Variants in NLRP12 observed in about 807,000 individuals in gnomAD.
NLRP12 encodes the protein NLR family pyrin domain containing 12.
In NLRP12, 108 loss-of-function variants were observed where a neutral mutation model predicts 91.2. The ratio of observed to expected loss-of-function variants is 1.18; its 90% confidence interval spans 1.01 to 1.39. The LOEUF is 1.39. NLRP12 is among the 40% of genes most tolerant of loss of function. The pLI is 0.00. For synonymous variants in NLRP12, 613 were observed against 566.7 expected (o/e 1.08, Z -1.16); for missense variants, 1,530 against 1,352.7 (o/e 1.13, Z -2.06).
intron 1 of NLRP12, among the ~76,000 whole-genome samples, chr19:53,823,144 C>T (rs938521452): frequency 9.5e-5 from 1 of 10,472 alleles, no homozygotes; most frequent in Non-Finnish European, 3.0e-4. Flanking sequence ...CATATATATA[C>T]GTGTGTGTAT....
At chr19:53,813,723 C>A (rs991748179) in intron 2 of NLRP12, among the ~76,000 whole-genome samples, 5 of 151,452 alleles carry the variant, frequency 3.3e-5, no homozygotes, top group African/African-American at 1.2e-4. Context: ...GTCTTTCTCA[C>A]TCCCCCCAGG....
intron 1 of NLRP12, among the ~76,000 whole-genome samples, chr19:53,819,635 A>G (rs2092233927): frequency 6.9e-6 from 1 of 144,590 alleles, no homozygotes; most frequent in Non-Finnish European, 1.5e-5. Context: ...ACGCGTATAT[A>G]TGTATGTATA....
At position 53,793,865 on chromosome 19, in the gene NLRP12, A is replaced by C; in HGVS notation, c.*184T>G. ...CTCTCGAAGTGCTAGGATTACATAC[A>C]TGAGCCACCACGCCTGGCCAGCTCT... On this transcript the variant is annotated 3_prime_UTR_variant, in exon 10 of 10. Coordinates refer to ENST00000324134, the MANE Select transcript of NLRP12 (RefSeq NM_144687.4). 1 of 680,850 alleles carries C rather than the reference A, an allele frequency of 1.5e-6. No individual in the cohort carries two copies. The highest frequency in any genetic ancestry group is 2.7e-6 in the Non-Finnish European group (1 of 372,826). The allele number at this position is 680,850 out of a possible 1,614,324, so 42.2% of individuals were successfully genotyped here.
rs1568703260 is a variant in NLRP12, at chr19:53,823,498, A to AAAACATAT, written c.289+387_289+388insATATGTTT. Among the ~76,000 whole-genome samples, 259 of 56,696 alleles carry AAAACATAT rather than the reference A, an allele frequency of 4.6e-3. 2 individuals are homozygous for AAAACATAT. Among genetic ancestry groups the AAAACATAT allele is most frequent in the Middle Eastern group, 0.014 (1 of 72 alleles). The allele number at this position is 56,696 out of a possible 152,430, so 37.2% of individuals were successfully genotyped here. A position where few individuals can be genotyped will look rare whatever the true frequency, so the allele number is the denominator to read the frequency against. ...AAAATATATATTTTAAAATATATTTATTTAAAATATATATTTAAAACATAT... is the reference window on the plus strand; with the variant it reads ...AAAATATATATTTTAAAATATATTTAAAACATATTTTAAAATATATATTTAAAACATAT... On this transcript the variant is annotated intron_variant, in intron 1 of 9. Coordinates refer to ENST00000324134, the MANE Select transcript of NLRP12 (RefSeq NM_144687.4).
chr19:53,819,497 GTA>G (rs1255582263), intron 1 of NLRP12, among the ~76,000 whole-genome samples: 128 of 10,058 alleles, frequency 0.013, 41 homozygotes, highest in African/African-American at 0.037. Context: ...ATACATATGT[GTA>G]TATATATGTA....
intron 8 of NLRP12, 34 bp downstream of exon 8, chr19:53,798,209 G>T: frequency 6.2e-7 from 1 of 1,612,796 alleles, no homozygotes; most frequent in South Asian, 1.1e-5. Flanking sequence ...GTCCAAACGT[G>T]ACCACTGCCA....
At chr19:53,799,010 ATT>A (rs34728764) in intron 7 of NLRP12, among the ~76,000 whole-genome samples, 19 of 119,586 alleles carry the variant, frequency 1.6e-4, no homozygotes, top group Non-Finnish European at 1.5e-4. Context: ...CTATCTACAA[ATT>A]TTTTTTTTTT....
intron 1 of NLRP12, among the ~76,000 whole-genome samples, chr19:53,821,031 C>CTTTTTTTTTTT (rs1158419664): frequency 1.2e-4 from 10 of 81,284 alleles, no homozygotes; most frequent in African/African-American, 2.3e-4. Flanking sequence ...CATATTTTTT[C>CTTTTTTTTTTT]TTTTTTTTTT....
At chr19:53,796,376 C>G (rs977929364) in intron 8 of NLRP12, among the ~76,000 whole-genome samples, 2 of 128,536 alleles carry the variant, frequency 1.6e-5, no homozygotes, top group African/African-American at 6.3e-5. Context: ...CTCAGCCTCC[C>G]CAGCAGCTGG....
intron 2 of NLRP12, among the ~76,000 whole-genome samples, chr19:53,811,658 C>G (rs2092079517): frequency 6.6e-6 from 1 of 151,346 alleles, no homozygotes; most frequent in African/African-American, 2.4e-5. Flanking sequence ...CATCCACCTC[C>G]TGGGTTCAAG....
Position 53,824,291 on chromosome 19 carries a change from G to A in NLRP12, c.-117C>T. 2 of 1,078,168 alleles carry A rather than the reference G, an allele frequency of 1.9e-6. No homozygotes were observed. Among genetic ancestry groups the A allele is most frequent in the South Asian group, 2.6e-5 (2 of 76,664 alleles). 66.8% of individuals were successfully genotyped at this position (1,078,168 alleles called of 1,614,324 possible). ...ATCATTCACAGGCAGCGGGCGGAGA[G>A]GCTGAGCCAGTGGTTGGAGGAGAGA... On this transcript the variant is annotated 5_prime_UTR_variant, in exon 1 of 10. Transcript: ENST00000324134.
At chr19:53,808,583 C>T (rs2092000732) in intron 3 of NLRP12, 1 of 152,196 alleles carries the variant, frequency 6.6e-6, no homozygotes. Context: ...TGGTGGCACA[C>T]TCCTGTGGTC....
intron 1 of NLRP12, among the ~76,000 whole-genome samples, chr19:53,816,307 T>C (rs1363589941): frequency 6.6e-6 from 1 of 152,022 alleles, no homozygotes; most frequent in East Asian, 1.9e-4. Flanking sequence ...ATGAAATGAT[T>C]CATGAAAGCA....
Position 53,823,997 on chromosome 19 carries a change from G to A in NLRP12, c.178C>T (p.Leu60Phe). Residue 60 changes from leucine to phenylalanine, a missense_variant, in exon 1 of 10, where the codon CTC (leucine) becomes TTC (phenylalanine). Leu to Phe is a conservative substitution (Grantham distance 22). Coordinates refer to ENST00000324134, the MANE Select transcript of NLRP12 (RefSeq NM_144687.4). Reference protein sequence around the residue: ...KAGPLEMAQLLITHFGPEEAW... With the variant: ...KAGPLEMAQLFITHFGPEEAW... ...TCCTCTGGCCCGAAGTGGGTGATGA[G>A]CAGCTGGGCCATTTCCAGGGGACCG... 2 of 1,614,196 alleles carry A rather than the reference G, an allele frequency of 1.2e-6. No homozygotes were observed. Among genetic ancestry groups the A allele is most frequent in the African/African-American group, 1.3e-5 (1 of 75,054 alleles).
chr19:53,821,764 G>C (rs1046642356), intron 1 of NLRP12, among the ~76,000 whole-genome samples: 1 of 152,168 alleles, frequency 6.6e-6, no homozygotes, highest in Non-Finnish European at 1.5e-5. Flanking sequence ...ATCAGAAGGA[G>C]TGGGGGAAGA....
At chr19:53,816,832 G>A (rs2092167459) in intron 1 of NLRP12, among the ~76,000 whole-genome samples, 2 of 151,806 alleles carry the variant, frequency 1.3e-5, no homozygotes, top group Admixed American at 1.3e-4. Flanking sequence ...GTGAGCTACT[G>A]CACCCGGCCA....
Position 53,810,681 on chromosome 19 carries a change from G to C in NLRP12, c.978C>G (p.Ser326Arg), listed in dbSNP as rs772651421. ...EKRPTELLLN[S>R]LIRKKLLPEL... is the part of the protein sequence containing the mutation. Reference sequence around the variant, plus strand: ...CAGGGAGCAGCTTCTTCCGAATTAAGCTGTTAAGAAGCAGCTCCGTGGGCC... The same window carrying C: ...CAGGGAGCAGCTTCTTCCGAATTAACCTGTTAAGAAGCAGCTCCGTGGGCC... The change falls in exon 3 of 10, where the codon AGC becomes AGG. Residue 326 changes from serine (S) to arginine (R), a missense_variant. Transcript: ENST00000324134. The C allele has an allele frequency of 6.2e-7, 1 of 1,613,930 alleles. No individual in the cohort carries two copies. The highest frequency in any genetic ancestry group is 8.5e-7 in the Non-Finnish European group (1 of 1,179,918).
chr19:53,815,969 A>G lies in NLRP12; in HGVS notation c.290-981T>C, dbSNP rs1384462031. Among the ~76,000 whole-genome samples, 3 of 148,818 alleles carry G rather than the reference A, an allele frequency of 2.0e-5. No homozygotes were observed. The East Asian group carries it at 5.9e-4, about 29-fold the overall frequency. On this transcript the variant is annotated intron_variant, in intron 1 of 9. Coordinates refer to ENST00000324134, the MANE Select transcript of NLRP12 (RefSeq NM_144687.4). The stretch of plus-strand genomic sequence containing the variant: ...TTTTTTTTGGTAGAGATTAGGTCTC[A>G]GTATGTTACCCAGGCTGGTCTGGAA...
intron 9 of NLRP12, among the ~76,000 whole-genome samples, 187 bp downstream of exon 9, chr19:53,795,672 C>T (rs1568653845): frequency 6.6e-6 from 1 of 152,194 alleles, no homozygotes; most frequent in Non-Finnish European, 1.5e-5. Flanking sequence ...CCGCGCCCGG[C>T]CTCAGACAAG....
Sources: gnomAD v4.1 joint callset for allele counts (sites outside exome capture counted in the v4.1 genomes callset) on GRCh38, gnomAD v4.1.1 for gene constraint, MANE v1.5 for transcripts, NCBI Gene and HGNC (gene_info 2026-07-23, HGNC 2026-07-21) for gene names.